The following DACH2 variants were observed in gnomAD, a reference collection of about 807,000 sequenced individuals.
The protein encoded by DACH2 is dachshund family transcription factor 2, also known as dachshund homolog 2.
Under a neutral mutation model 35.8 loss-of-function variants are expected in DACH2, and 17 were observed. That is an observed-to-expected ratio of 0.48 (90% CI 0.33 to 0.71). The LOEUF (loss-of-function observed/expected upper bound fraction) is 0.71, where lower values mean the gene tolerates loss of function less well. DACH2 is among the 30% of genes least tolerant of loss of function. The pLI is 0.02. For synonymous variants in DACH2, 195 were observed against 177.3 expected (o/e 1.10, Z -0.79); for missense variants, 469 against 472.7 (o/e 0.99, Z 0.07).
chrX:86,821,443 A>T (rs767274437), intron 11 of DACH2, among the ~76,000 whole-genome samples: 80 of 111,227 alleles, frequency 7.2e-4, no homozygotes, highest in Non-Finnish European at 1.4e-3. Flanking sequence ...CAACCCACAG[A>T]GAAGATCCCA....
chrX:86,376,130 T>C (rs2035962752), intron 1 of DACH2, among the ~76,000 whole-genome samples: 1 of 103,106 alleles, frequency 9.7e-6, no homozygotes, highest in Non-Finnish European at 2.0e-5. Context: ...TGTGGATGTA[T>C]GTATGACTGT....
intron 1 of DACH2, among the ~76,000 whole-genome samples, chrX:86,257,254 T>C (rs1294054228): frequency 8.9e-6 from 1 of 111,947 alleles, no homozygotes; most frequent in East Asian, 2.8e-4. Flanking sequence ...TATTAGGCTC[T>C]TATTATGCTC....
intron 7 of DACH2, among the ~76,000 whole-genome samples, chrX:86,800,966 G>A (rs996584392): frequency 9.0e-6 from 1 of 111,014 alleles, no homozygotes; most frequent in Non-Finnish European, 1.9e-5. Flanking sequence ...CACTGTGCCC[G>A]GCGCAACAGT....
chrX:86,301,510 A>C (rs2034574861), intron 1 of DACH2, among the ~76,000 whole-genome samples: 1 of 111,992 alleles, frequency 8.9e-6, no homozygotes, highest in African/African-American at 3.2e-5. Context: ...GTTTGTTGAG[A>C]CATTTAATTA....
chrX:86,820,913 C>A (rs2042505442), intron 11 of DACH2, among the ~76,000 whole-genome samples: 2 of 110,493 alleles, frequency 1.8e-5, no homozygotes, highest in South Asian at 3.8e-4. Context: ...TTCCTAAAAA[C>A]AACTACCCTT....
intron 6 of DACH2, among the ~76,000 whole-genome samples, chrX:86,726,264 C>T (rs1418311391): frequency 9.0e-6 from 1 of 111,071 alleles, no homozygotes; most frequent in Non-Finnish European, 1.9e-5. Context: ...TGTCCAGTCT[C>T]CTCCCTCTTC....
intron 7 of DACH2, among the ~76,000 whole-genome samples, chrX:86,758,910 A>G (rs1240185932): frequency 8.9e-6 from 1 of 112,568 alleles, no homozygotes; most frequent in African/African-American, 3.2e-5. Flanking sequence ...CCTTTGTATT[A>G]CAAACAATCC....
intron 3 of DACH2, among the ~76,000 whole-genome samples, chrX:86,591,220 CATT>C (rs2039641123): frequency 8.9e-6 from 1 of 111,742 alleles, no homozygotes; most frequent in Non-Finnish European, 1.9e-5. Flanking sequence ...TCCAGTCTAT[CATT>C]GTTGGATATT....
chrX:86,579,610 T>C (rs1269568145), intron 3 of DACH2, among the ~76,000 whole-genome samples: 1 of 112,096 alleles, frequency 8.9e-6, no homozygotes, highest in Non-Finnish European at 1.9e-5. Flanking sequence ...CTGTAGCTTG[T>C]GTTTTTACTC....
At chrX:86,263,082 A>G in intron 1 of DACH2, 1 of 548,919 alleles carries the variant, frequency 1.8e-6, no homozygotes. Context: ...TCATAATAAT[A>G]GACCAGCTGC....
chrX:86,724,541 C>T (rs187578267), intron 6 of DACH2, among the ~76,000 whole-genome samples: 188 of 111,853 alleles, frequency 1.7e-3, no homozygotes, highest in Non-Finnish European at 2.7e-3. Context: ...TGGCCTGTAA[C>T]ATTTCAGCTG....
Position 86,428,769 on chromosome X carries a change from GAA to G in DACH2, c.527+51919_527+51920del, listed in dbSNP as rs1189079359. ...TAAGTTTCGATTCACTAGGTTTTTT[GAA>G]AAAAAAAAAAATTTCAAACTCTTTA... On this transcript the variant is annotated intron_variant, in intron 2 of 11. Coordinates refer to ENST00000373125, the MANE Select transcript of DACH2 (RefSeq NM_053281.3). Among the ~76,000 whole-genome samples, 28 of 98,511 alleles carry G rather than the reference GAA, an allele frequency of 2.8e-4. No homozygotes were observed. In the East Asian group the frequency reaches 3.1e-3, roughly 11 times the overall value. The allele number at this position is 98,511 out of a possible 115,157, so 85.5% of individuals were successfully genotyped here.
chrX:86,536,154 T>G (rs1401827654), intron 3 of DACH2, among the ~76,000 whole-genome samples: 5 of 104,857 alleles, frequency 4.8e-5, no homozygotes, highest in African/African-American at 1.7e-4. Context: ...TAGCTTTCTT[T>G]GGGAAGAAAA....
At chrX:86,617,227 A>G (rs1275574967) in intron 3 of DACH2, among the ~76,000 whole-genome samples, 1 of 110,798 alleles carries the variant, frequency 9.0e-6, no homozygotes, top group Non-Finnish European at 1.9e-5. Context: ...TTTGCTTAGG[A>G]TTGCCTTGGC....
intron 3 of DACH2, among the ~76,000 whole-genome samples, chrX:86,609,615 T>C (rs1293664848): frequency 8.9e-6 from 1 of 112,079 alleles, no homozygotes; most frequent in Non-Finnish European, 1.9e-5. Flanking sequence ...TTTGGAAGGC[T>C]TTCAGATATT....
chrX:86,252,038 C>G (rs771797831), intron 1 of DACH2, among the ~76,000 whole-genome samples: 2 of 111,406 alleles, frequency 1.8e-5, no homozygotes, highest in African/African-American at 6.5e-5. Flanking sequence ...GCCACTCTTG[C>G]AGGAGTAAGG....
intron 1 of DACH2, among the ~76,000 whole-genome samples, chrX:86,272,850 C>T (rs1252646450): frequency 4.5e-5 from 5 of 111,921 alleles, no homozygotes; most frequent in Non-Finnish European, 5.6e-5. Flanking sequence ...AATGCGATAA[C>T]GTAGCTTTTA....
At chrX:86,827,863 A>C in intron 11 of DACH2, 2 of 1,002,543 alleles carry the variant, frequency 2.0e-6, no homozygotes, top group East Asian at 6.7e-5. Context: ...TTTAGAATTC[A>C]TACTCAAATC....
At chrX:86,602,385 G>A (rs2039800982) in intron 3 of DACH2, among the ~76,000 whole-genome samples, 1 of 112,222 alleles carries the variant, frequency 8.9e-6, no homozygotes, top group Admixed American at 9.4e-5. Flanking sequence ...ATTGGGTTAT[G>A]TGGTAAGTTT....
Sources: allele counts gnomAD v4.1 joint callset (sites outside exome capture counted in the v4.1 genomes callset), GRCh38; gene constraint gnomAD v4.1.1; transcripts MANE v1.5; gene names NCBI Gene and HGNC (gene_info 2026-07-23, HGNC 2026-07-21).